Variants in PTGER3 observed in about 807,000 individuals in gnomAD.
The protein encoded by PTGER3 is prostaglandin E2 receptor EP3 subtype.
Under a neutral mutation model 34.7 loss-of-function variants are expected in PTGER3, and 22 were observed. The ratio of observed to expected loss-of-function variants is 0.63; its 90% CI spans 0.45 to 0.91. The LOEUF (loss-of-function observed/expected upper bound fraction) is 0.91, where lower values mean the gene tolerates loss of function less well. Ranked by LOEUF, PTGER3 falls within the 40% of genes least tolerant of loss-of-function variation. The pLI, the probability that PTGER3 is intolerant of heterozygous loss-of-function variation, is 0.00. For missense variants in PTGER3, 468 were observed against 519.4 expected, an observed-to-expected ratio of 0.90 and a Z score of 0.96; for synonymous variants, 241 against 230.1, an observed-to-expected ratio of 1.05 and a Z score of -0.43.
intron 1 of PTGER3, among the ~76,000 whole-genome samples, chr1:71,018,604 T>C (rs915639716): frequency 6.6e-6 from 1 of 152,196 alleles, no homozygotes; most frequent in African/African-American, 2.4e-5. Flanking sequence ...CGTCTAGAAT[T>C]ATCTAAAAAC....
At chr1:71,020,132 T>A (rs941574042) in intron 1 of PTGER3, among the ~76,000 whole-genome samples, 10 of 152,190 alleles carry the variant, frequency 6.6e-5, no homozygotes, top group African/African-American at 2.2e-4. Context: ...TAAGAAACAA[T>A]TGTAGTCTCT....
chr1:71,021,172 C>T (rs1196093132), intron 1 of PTGER3, among the ~76,000 whole-genome samples: 1 of 152,082 alleles, frequency 6.6e-6, no homozygotes, highest in Non-Finnish European at 1.5e-5. Context: ...CTCAAATTTG[C>T]ACTTTAAAAA....
At chr1:70,976,431 T>C (rs750381596) in intron 2 of PTGER3, among the ~76,000 whole-genome samples, 1 of 152,102 alleles carries the variant, frequency 6.6e-6, no homozygotes, top group Non-Finnish European at 1.5e-5. Context: ...AGGCTATGCA[T>C]ATGTGGGGCC....
At chr1:70,943,779 G>C (rs1649965415) in intron 4 of PTGER3, among the ~76,000 whole-genome samples, 1 of 151,798 alleles carries the variant, frequency 6.6e-6, no homozygotes, top group South Asian at 2.1e-4. Flanking sequence ...CATGCGCATT[G>C]AGATGGAGAG....
chr1:70,890,520 C>A (rs1010147571), intron 4 of PTGER3, among the ~76,000 whole-genome samples: 1 of 152,160 alleles, frequency 6.6e-6, no homozygotes, highest in African/African-American at 2.4e-5. Context: ...TTAAGTATCA[C>A]CCCTTCCAAA....
intron 4 of PTGER3, among the ~76,000 whole-genome samples, chr1:70,895,961 G>T (rs1321119296): frequency 3.3e-5 from 5 of 152,230 alleles, no homozygotes; most frequent in Admixed American, 6.5e-5. Context: ...AGGAAGAAGA[G>T]TGCTGCAGTG....
intron 4 of PTGER3, among the ~76,000 whole-genome samples, chr1:70,922,834 A>T (rs1647679628): frequency 6.6e-6 from 1 of 152,204 alleles, no homozygotes; most frequent in Non-Finnish European, 1.5e-5. Context: ...AGTGTTATGC[A>T]AGTTGTGGAA....
At chr1:70,949,122 C>G (rs909088506), downstream of PTGER3, among the ~76,000 whole-genome samples, 1 of 152,066 alleles carries the variant, frequency 6.6e-6, no homozygotes, top group South Asian at 2.1e-4. Flanking sequence ...GAGTTACATA[C>G]ACAAACACAC....
At chr1:70,922,846 G>T (rs1385201464) in intron 4 of PTGER3, among the ~76,000 whole-genome samples, 1 of 152,164 alleles carries the variant, frequency 6.6e-6, no homozygotes, top group Non-Finnish European at 1.5e-5. Context: ...GTTGTGGAAG[G>T]TTTGTGAAAA....
At chr1:70,918,386 A>T (rs891171134) in intron 4 of PTGER3, among the ~76,000 whole-genome samples, 5 of 152,092 alleles carry the variant, frequency 3.3e-5, no homozygotes, top group African/African-American at 1.2e-4. Context: ...GAGCAACAAA[A>T]TAAAAAATAC....
At chr1:70,935,752 T>C (rs115945065) in intron 4 of PTGER3, among the ~76,000 whole-genome samples, 1 of 151,072 alleles carries the variant, frequency 6.6e-6, no homozygotes, top group Admixed American at 6.6e-5. Context: ...TTCTCAGTGG[T>C]CTTGACAAGT....
downstream of PTGER3, chr1:70,950,748 C>T (rs1572735248): frequency 6.6e-6 from 1 of 152,024 alleles, no homozygotes; most frequent in Non-Finnish European, 1.5e-5. Context: ...AAGTCTTGCT[C>T]TGTCGCCCAG....
intron 1 of PTGER3, among the ~76,000 whole-genome samples, chr1:71,019,318 C>T (rs576281475): frequency 4.3e-4 from 66 of 152,292 alleles, no homozygotes; most frequent in African/African-American, 1.6e-3. Flanking sequence ...TCCTTTCAAA[C>T]AGCCTCATAT....
At position 71,046,941 on chromosome 1, in the gene PTGER3, C is replaced by T; in HGVS notation, c.637G>A (p.Gly213Arg). The T allele has an allele frequency of 6.2e-7, 1 of 1,607,116 alleles. No individual in the cohort carries two copies. The highest frequency in any genetic ancestry group is 8.5e-7 in the Non-Finnish European group (1 of 1,177,234). ...WPGTWCFIST[G>R]RGGNGTSSSH... ...GAGCTAGTCCCGTTGCCCCCTCGCCCGGTGCTGATGAAGCACCACGTCCCG... is the reference window on the plus strand; with the variant it reads ...GAGCTAGTCCCGTTGCCCCCTCGCCTGGTGCTGATGAAGCACCACGTCCCG... Residue 213 changes from glycine (G) to arginine (R), a missense_variant, in exon 1 of 4, where the codon GGG becomes AGG. Physicochemically the swap from Gly to Arg is moderately radical, Grantham distance 125. This residue lies in a region of PTGER3 where 204 missense variants were observed against 230.8 expected (regional missense o/e 0.88). Transcript: ENST00000306666.
intron 4 of PTGER3, among the ~76,000 whole-genome samples, chr1:70,916,863 C>T (rs1383213042): frequency 6.6e-6 from 1 of 151,864 alleles, no homozygotes; most frequent in African/African-American, 2.4e-5. Flanking sequence ...AAAAAGCTAA[C>T]TTAATTTGTT....
intron 4 of PTGER3, among the ~76,000 whole-genome samples, chr1:70,892,381 T>C (rs745531840): frequency 7.9e-5 from 12 of 152,236 alleles, no homozygotes; most frequent in Non-Finnish European, 1.3e-4. Flanking sequence ...GTGACTGCCA[T>C]CTGTTGACAT....
In PTGER3 at chr1:70,981,889, C is replaced by T. The variant is rs113199173; in HGVS notation, c.1078-7501G>A. Among the ~76,000 whole-genome samples the T allele has an allele frequency of 5.3e-3, 805 of 152,196 alleles. 10 individuals carry two copies. Among genetic ancestry groups the T allele is most frequent in the African/African-American group, 0.018 (762 of 41,502 alleles). On this transcript the variant is annotated intron_variant, in intron 2 of 3. Coordinates refer to ENST00000306666, the MANE Select transcript of PTGER3 (RefSeq NM_198719.2). ...TACCCATCAATCAATTGACTCATGG[C>T]CCTCCAGTGCACCCTCCATGCTGCC... is the stretch of plus-strand genomic sequence containing the variant.
At chr1:70,960,203 T>C (rs1421113927) in intron 2 of PTGER3, among the ~76,000 whole-genome samples, 1 of 152,134 alleles carries the variant, frequency 6.6e-6, no homozygotes, top group Non-Finnish European at 1.5e-5. Flanking sequence ...TGTGAGGTAA[T>C]AAATTTCTGT....
At chr1:70,899,636 C>A (rs760919108) in intron 4 of PTGER3, among the ~76,000 whole-genome samples, 15 of 152,028 alleles carry the variant, frequency 9.9e-5, no homozygotes, top group African/African-American at 2.9e-4. Context: ...TCTTAAGGAG[C>A]TTTTCAAGAG....
Sources: gnomAD v4.1 joint callset for allele counts (sites outside exome capture counted in the v4.1 genomes callset) on GRCh38, gnomAD v4.1.1 for gene constraint, gnomAD v4.1.1 regional missense constraint, MANE v1.5 for transcripts, NCBI Gene and HGNC (gene_info 2026-07-23, HGNC 2026-07-21) for gene names.